PLVAP: variants seen among roughly 807,000 people sequenced by gnomAD.
PLVAP encodes the protein plasmalemma vesicle-associated protein.
A neutral mutation model predicts 43.1 loss-of-function variants in PLVAP; 34 were observed. The ratio of observed to expected loss-of-function variants is 0.79; its 90% CI spans 0.60 to 1.05. The LOEUF (loss-of-function observed/expected upper bound fraction) is 1.05. Among genes scored for constraint, PLVAP ranks in the 50% least tolerant of loss-of-function variants. The probability of loss-of-function intolerance (pLI) is 0.00; values close to 1 mark genes in which losing one functional copy is unlikely to be tolerated. For synonymous variants in PLVAP, 241 were observed against 237.3 expected (o/e 1.02, Z -0.14); for missense variants, 574 against 593.4 (o/e 0.97, Z 0.34).
rs1283351349 is a variant in PLVAP, at chr19:17,366,003, G to C, written c.467-5C>G. 1 of 1,612,330 alleles carries C rather than the reference G, an allele frequency of 6.2e-7. No homozygotes were observed. The highest frequency in any genetic ancestry group is 8.5e-7 in the Non-Finnish European group (1 of 1,178,586). On this transcript the variant is annotated splice_region_variant and splice_polypyrimidine_tract_variant and intron_variant, in intron 2 of 5. Coordinates refer to ENST00000252590, the MANE Select transcript of PLVAP (RefSeq NM_031310.3). The stretch of plus-strand genomic sequence containing the variant: ...GATTCAGCATGAAGAGCAAGGCTAA[G>C]GAAAACAGGACCAGGAGACCCAGGA...
chr19:17,373,540 T>A (rs1599579795), intron 1 of PLVAP, among the ~76,000 whole-genome samples: 2 of 152,088 alleles, frequency 1.3e-5, no homozygotes, highest in East Asian at 3.9e-4. Flanking sequence ...GGTCACCTCC[T>A]TGGAAGACCC....
At chr19:17,374,813 TG>T (rs2074588197) in intron 1 of PLVAP, among the ~76,000 whole-genome samples, 2 of 139,780 alleles carry the variant, frequency 1.4e-5, no homozygotes, top group African/African-American at 5.1e-5. Context: ...TATGTATGTA[TG>T]TATGTATGTA....
At chr19:17,354,693 T>A (rs2145717068) in intron 5 of PLVAP, among the ~76,000 whole-genome samples, 2 of 147,670 alleles carry the variant, frequency 1.4e-5, no homozygotes, top group South Asian at 4.3e-4. Context: ...GATGAGGAGA[T>A]CGAGACCATC....
chr19:17,363,813 G>T (rs1405756033), intron 3 of PLVAP, among the ~76,000 whole-genome samples: 6 of 143,502 alleles, frequency 4.2e-5, no homozygotes, highest in Non-Finnish European at 7.5e-5. Context: ...TGTGATCTTG[G>T]TTCACTGCAA....
intron 1 of PLVAP, 116 bp from the exon 2 acceptor site, chr19:17,366,311 G>T (rs2074550034): frequency 2.2e-6 from 2 of 912,990 alleles, no homozygotes; most frequent in Middle Eastern, 4.6e-4. Flanking sequence ...ACAAGGGCAT[G>T]GTCCCTTTAT....
intron 1 of PLVAP, among the ~76,000 whole-genome samples, chr19:17,375,599 G>A (rs1311168590): frequency 6.6e-6 from 1 of 151,600 alleles, no homozygotes; most frequent in Admixed American, 6.6e-5. Context: ...CAGGGCACCA[G>A]GTCAGGGCAC....
chr19:17,364,385 T>C (rs1468160582), intron 3 of PLVAP, among the ~76,000 whole-genome samples: 1 of 151,888 alleles, frequency 6.6e-6, no homozygotes, highest in Non-Finnish European at 1.5e-5. Context: ...ACACCCAGCC[T>C]GGGGTGGGGT....
chr19:17,359,464 G>A (rs1428803607), intron 5 of PLVAP, among the ~76,000 whole-genome samples: 3 of 151,486 alleles, frequency 2.0e-5, no homozygotes, highest in Non-Finnish European at 4.4e-5. Flanking sequence ...GGAGTGCAAT[G>A]GTGTCATCTC....
intron 5 of PLVAP, among the ~76,000 whole-genome samples, chr19:17,356,385 G>C (rs555098551): frequency 1.3e-5 from 2 of 152,148 alleles, no homozygotes; most frequent in Non-Finnish European, 2.9e-5. Flanking sequence ...GCCCTGCGTC[G>C]GCCATCGATT....
chr19:17,361,929 A>T (rs867951392), intron 3 of PLVAP, among the ~76,000 whole-genome samples: 4 of 149,936 alleles, frequency 2.7e-5, no homozygotes, highest in South Asian at 2.1e-4. Flanking sequence ...AAAATAAAAA[A>T]AAAAAAATCA....
intron 1 of PLVAP, among the ~76,000 whole-genome samples, chr19:17,375,639 T>A (rs1357565096): frequency 1.3e-5 from 2 of 151,898 alleles, no homozygotes; most frequent in Admixed American, 6.6e-5. Context: ...CCCAGCACTA[T>A]GGGAGGCCGA....
In PLVAP at chr19:17,356,492, T is replaced by C. The variant is rs73513971; in HGVS notation, c.1322+4036A>G. On this transcript the variant is annotated intron_variant, in intron 5 of 5. Coordinates refer to ENST00000252590, the MANE Select transcript of PLVAP (RefSeq NM_031310.3). Reference sequence around the variant, plus strand: ...TTTTATTTTTTTAAACTAAACACTATATTAATGAGAATTTTATTTTTTCTC... The same window carrying C: ...TTTTATTTTTTTAAACTAAACACTACATTAATGAGAATTTTATTTTTTCTC... Among the ~76,000 whole-genome samples, 1,038 of 152,170 alleles carry C rather than the reference T, an allele frequency of 6.8e-3. 9 individuals are homozygous for C. Among genetic ancestry groups the C allele is most frequent in the African/African-American group, 0.023 (935 of 41,522 alleles).
chr19:17,374,110 C>T lies in PLVAP; in HGVS notation c.369+2810G>A, dbSNP rs755307169. Among the ~76,000 whole-genome samples the T allele has an allele frequency of 2.6e-5, 4 of 152,048 alleles. No homozygotes were observed. In the South Asian group the frequency reaches 8.3e-4, roughly 31 times the overall value. ...CTGGGAGGCAGTGGTTGCAGTGAGC[C>T]GAGACCTTCCACTGCACTCCAGCCT... On this transcript the variant is annotated intron_variant, in intron 1 of 5. Coordinates refer to ENST00000252590, the MANE Select transcript of PLVAP (RefSeq NM_031310.3).
At chr19:17,359,948 C>T (rs79504829) in intron 5 of PLVAP, among the ~76,000 whole-genome samples, 1 of 152,168 alleles carries the variant, frequency 6.6e-6, no homozygotes. Context: ...CCCTCACCCC[C>T]GTCCAGCCTC....
chr19:17,357,392 C>T (rs2145718625), intron 5 of PLVAP, among the ~76,000 whole-genome samples: 1 of 151,646 alleles, frequency 6.6e-6, no homozygotes, highest in South Asian at 2.1e-4. Context: ...TCATTAGGTG[C>T]ATCTAAAATT....
At chr19:17,361,933 A>T (rs1283827286) in intron 3 of PLVAP, among the ~76,000 whole-genome samples, 3 of 151,196 alleles carry the variant, frequency 2.0e-5, no homozygotes, top group South Asian at 2.1e-4. Flanking sequence ...TAAAAAAAAA[A>T]AAATCAGCCG....
intron 1 of PLVAP, among the ~76,000 whole-genome samples, chr19:17,374,717 C>T (rs554191888): frequency 2.4e-4 from 37 of 152,102 alleles, no homozygotes; most frequent in African/African-American, 7.2e-4. Context: ...CCTTGACCTC[C>T]TGGGCTCAAG....
chr19:17,372,357 T>C (rs895028098), intron 1 of PLVAP, among the ~76,000 whole-genome samples: 14 of 150,554 alleles, frequency 9.3e-5, no homozygotes, highest in East Asian at 2.0e-4. Context: ...TGTAGGGAGC[T>C]GAGATTGCGC....
chr19:17,371,401 C>T lies in PLVAP; in HGVS notation c.370-5206G>A, dbSNP rs560918349. The stretch of plus-strand genomic sequence containing the variant: ...TTTCGAACTCCTGACCTCAAGTGAT[C>T]CACTGGCCTCAGTCTCCTGCCTTGA... On this transcript the variant is annotated intron_variant, in intron 1 of 5. Transcript: ENST00000252590. 4.7e-4 allele frequency among the ~76,000 whole-genome samples: 71 copies of T among 152,136 alleles called. 1 individual carries two copies. Among genetic ancestry groups the T allele is most frequent in the Admixed American group, 7.2e-4 (11 of 15,240 alleles).
Sources: gnomAD v4.1 joint callset for allele counts (sites outside exome capture counted in the v4.1 genomes callset) on GRCh38, gnomAD v4.1.1 for gene constraint, MANE v1.5 for transcripts, NCBI Gene and HGNC (gene_info 2026-07-23, HGNC 2026-07-21) for gene names.